POLR3B: variants seen among roughly 807,000 people sequenced by gnomAD.
POLR3B encodes the protein DNA-directed RNA polymerase III subunit RPC2.
In POLR3B, 96 loss-of-function variants were observed where a neutral mutation model predicts 147.4. The ratio of observed to expected loss-of-function variants is 0.65; its 90% CI spans 0.55 to 0.77. POLR3B has a LOEUF of 0.77. Among genes scored for constraint, POLR3B ranks in the 30% least tolerant of loss-of-function variants. POLR3B has a pLI of 0.00. For missense variants in POLR3B, 1,036 were observed against 1,413.5 expected, an observed-to-expected ratio of 0.73 and a Z score of 4.28; for synonymous variants, 461 against 485.9, an observed-to-expected ratio of 0.95 and a Z score of 0.67.
chr12:106,418,740 T>G (rs2037337635), intron 12 of POLR3B, among the ~76,000 whole-genome samples: 1 of 152,222 alleles, frequency 6.6e-6, no homozygotes, highest in Non-Finnish European at 1.5e-5. Flanking sequence ...CCTTCCCTTT[T>G]AGTCATTTTA....
At chr12:106,455,388 G>A (rs1361119431) in intron 20 of POLR3B, among the ~76,000 whole-genome samples, 1 of 152,044 alleles carries the variant, frequency 6.6e-6, no homozygotes, top group Non-Finnish European at 1.5e-5. Context: ...AGCCATAATA[G>A]TACTCCTAGA....
intron 1 of POLR3B, chr12:106,358,357 C>A: frequency 1.6e-6 from 1 of 628,782 alleles, no homozygotes; most frequent in South Asian, 3.0e-5. Context: ...GGGGTAAAAC[C>A]AGATCGTCTG....
rs570844733 is a variant in POLR3B, at chr12:106,406,879, G to A, written c.966+903G>A. 5.2e-4 allele frequency among the ~76,000 whole-genome samples: 79 copies of A among 152,248 alleles called. 1 individual carries two copies. The highest frequency in any genetic ancestry group is 1.8e-3 in the African/African-American group (75 of 41,544). On this transcript the variant is annotated intron_variant, in intron 11 of 27. Transcript: ENST00000228347. Reference sequence around the variant, plus strand: ...TTAACTAAATAGTCTGGTTTGTAGTGAGTTATCATGTGTTCCATCCGTGAA... The same window carrying A: ...TTAACTAAATAGTCTGGTTTGTAGTAAGTTATCATGTGTTCCATCCGTGAA...
chr12:106,384,688 G>A (rs1475759537), intron 9 of POLR3B, among the ~76,000 whole-genome samples: 1 of 152,084 alleles, frequency 6.6e-6, no homozygotes, highest in South Asian at 2.1e-4. Context: ...AAGTGCTGTC[G>A]AGGTGTTCCA....
chr12:106,394,827 C>T (rs767666408), intron 10 of POLR3B, among the ~76,000 whole-genome samples: 7 of 152,090 alleles, frequency 4.6e-5, no homozygotes, highest in African/African-American at 1.4e-4. Context: ...TGACAGTGCT[C>T]GTACTCTGTG....
At position 106,378,285 on chromosome 12, in the gene POLR3B, A is replaced by G. The variant is rs747452509; in HGVS notation, c.515A>G (p.Lys172Arg). The change falls in exon 8 of 28, where the codon AAA becomes AGA. Residue 172 changes from lysine to arginine, a missense_variant. Lys to Arg is a conservative substitution (Grantham distance 26). This residue lies in a region of POLR3B where 217 missense variants were observed against 288.7 expected (regional missense o/e 0.75). Transcript: ENST00000228347. ...TGGGTAGGTGGCTACTTCATTGTTAAAGGAGTAGAAAAAGTTATTCTTATC... is the reference window on the plus strand; with the variant it reads ...TGGGTAGGTGGCTACTTCATTGTTAGAGGAGTAGAAAAAGTTATTCTTATC... ...PLDPGGYFIV[K>R]GVEKVILIQE... 2 of 1,611,436 alleles carry G rather than the reference A, an allele frequency of 1.2e-6. No homozygotes were observed. Among genetic ancestry groups the G allele is most frequent in the South Asian group, 2.2e-5 (2 of 91,038 alleles).
intron 11 of POLR3B, among the ~76,000 whole-genome samples, chr12:106,406,528 T>C (rs1311415685): frequency 6.6e-6 from 1 of 152,210 alleles, no homozygotes; most frequent in Non-Finnish European, 1.5e-5. Flanking sequence ...TTAAAAATGT[T>C]TACTGGATGA....
intron 27 of POLR3B, chr12:106,507,701 T>C (rs2038711319): frequency 2.2e-5 from 10 of 452,308 alleles, no homozygotes; most frequent in Non-Finnish European, 4.4e-5. Context: ...TAACATCAAC[T>C]GTGCATTTGT....
chr12:106,383,139 CCT>C (rs1383721506), intron 9 of POLR3B, among the ~76,000 whole-genome samples: 10 of 152,184 alleles, frequency 6.6e-5, no homozygotes, highest in Admixed American at 4.6e-4. Context: ...CTCTTCCTCA[CCT>C]CTCTCAGCCT....
At chr12:106,360,035 A>G (rs2036446811) in intron 1 of POLR3B, among the ~76,000 whole-genome samples, 1 of 152,148 alleles carries the variant, frequency 6.6e-6, no homozygotes, top group Non-Finnish European at 1.5e-5. Context: ...TCTGTATCCA[A>G]TCCACCATCA....
intron 12 of POLR3B, among the ~76,000 whole-genome samples, chr12:106,412,306 C>A (rs2037238922): frequency 6.6e-6 from 1 of 151,878 alleles, no homozygotes. Context: ...TCATTTAGTT[C>A]TTTCAGTTGT....
chr12:106,432,943 T>G (rs1337160203), intron 15 of POLR3B, among the ~76,000 whole-genome samples: 1 of 152,210 alleles, frequency 6.6e-6, no homozygotes. Flanking sequence ...CATATACCTC[T>G]TCCCGTCTCC....
intron 9 of POLR3B, among the ~76,000 whole-genome samples, chr12:106,392,177 C>A (rs950804179): frequency 6.6e-6 from 1 of 151,720 alleles, no homozygotes; most frequent in African/African-American, 2.4e-5. Flanking sequence ...TATTTTTTTT[C>A]CCGAGACGGA....
intron 25 of POLR3B, among the ~76,000 whole-genome samples, chr12:106,498,327 A>T (rs557822464): frequency 6.6e-6 from 1 of 152,184 alleles, no homozygotes; most frequent in Non-Finnish European, 1.5e-5. Flanking sequence ...GTGAGGGTGG[A>T]GGGGAAGAAG....
intron 23 of POLR3B, among the ~76,000 whole-genome samples, chr12:106,487,196 G>T (rs2038352206): frequency 1.3e-5 from 2 of 152,200 alleles, no homozygotes; most frequent in Admixed American, 1.3e-4. Flanking sequence ...GAAATGAGCT[G>T]ATAAAAATTT....
chr12:106,494,669 C>T (rs990886699), intron 23 of POLR3B, among the ~76,000 whole-genome samples: 3 of 152,168 alleles, frequency 2.0e-5, no homozygotes, highest in African/African-American at 7.2e-5. Context: ...AGAAAGAAGG[C>T]TCACACACTC....
At chr12:106,375,235 C>G (rs2036661581) in intron 6 of POLR3B, among the ~76,000 whole-genome samples, 1 of 152,176 alleles carries the variant, frequency 6.6e-6, no homozygotes. Flanking sequence ...TTGGTAGCCT[C>G]TCTTTTTTTC....
intron 10 of POLR3B, among the ~76,000 whole-genome samples, chr12:106,399,960 A>T (rs763070315): frequency 6.6e-6 from 1 of 152,210 alleles, no homozygotes; most frequent in African/African-American, 2.4e-5. Flanking sequence ...CATCATAATG[A>T]CAGATCAAAT....
intron 17 of POLR3B, 31 bp downstream of exon 17, chr12:106,437,162 T>C: frequency 7.5e-7 from 1 of 1,331,334 alleles, no homozygotes; most frequent in Non-Finnish European, 1.1e-6. Context: ...CTTACCAATC[T>C]CCTTAATACC....
Sources: gnomAD v4.1 joint callset for allele counts (sites outside exome capture counted in the v4.1 genomes callset) on GRCh38, gnomAD v4.1.1 for gene constraint, gnomAD v4.1.1 regional missense constraint, MANE v1.5 for transcripts, NCBI Gene and HGNC (gene_info 2026-07-23, HGNC 2026-07-21) for gene names.